The following MARCKSL1 variants were observed in gnomAD, a reference collection of about 807,000 sequenced individuals.
MARCKSL1 encodes MARCKS like 1.
In MARCKSL1, 5 loss-of-function variants were observed where a neutral mutation model predicts 13.3. The ratio of observed to expected loss-of-function variants is 0.38; its 90% CI spans 0.20 to 0.79. The LOEUF (loss-of-function observed/expected upper bound fraction) is 0.79, where lower values mean the gene tolerates loss of function less well. Ranked by LOEUF, MARCKSL1 falls within the 30% of genes least tolerant of loss-of-function variation. The probability of loss-of-function intolerance (pLI) is 0.45; values close to 1 mark genes in which losing one functional copy is unlikely to be tolerated. For synonymous variants in MARCKSL1, 126 were observed against 103.2 expected (o/e 1.22, Z -1.34); for missense variants, 274 against 251.6 (o/e 1.09, Z -0.60).
Position 32,335,299 on chromosome 1 carries a change from G to A in MARCKSL1, c.88-202C>T, listed in dbSNP as rs1368983162. Among the ~76,000 whole-genome samples the A allele has an allele frequency of 2.6e-5, 4 of 152,134 alleles. No homozygotes were observed. The highest frequency in any genetic ancestry group is 9.7e-5 in the African/African-American group (4 of 41,446). On this transcript the variant is annotated intron_variant, in intron 1 of 1. Coordinates refer to ENST00000329421, the MANE Select transcript of MARCKSL1 (RefSeq NM_023009.7). The surrounding 1 kb of genome is among the most constrained non-coding windows in gnomAD (Gnocchi z 4.1). ...CGCGGGGAGCGAGCGCGCAGAGGGC[G>A]CGACCGGCAGGAGGCGCTGGGGTCC...
chr1:32,333,949 T>C lies in MARCKSL1; in HGVS notation c.*648A>G, dbSNP rs113097579. On this transcript the variant is annotated 3_prime_UTR_variant, in exon 2 of 2. Transcript: ENST00000329421. The stretch of plus-strand genomic sequence containing the variant: ...AAGTACAAATCTGGGGTTTGGCCAT[T>C]AAAAGTTATTTACAACAGTGGGAGA... The C allele has an allele frequency of 2.0e-5, 3 of 150,554 alleles. No homozygotes were observed. The highest frequency in any genetic ancestry group is 4.4e-5 in the Non-Finnish European group (3 of 67,772). 9.3% of individuals were successfully genotyped at this position (150,554 alleles called of 1,614,324 possible). A position where few individuals can be genotyped will look rare whatever the true frequency, so the allele number is the denominator to read the frequency against.
In MARCKSL1 at chr1:32,334,550, C is replaced by G. The variant is rs1641350338; in HGVS notation, c.*47G>C. The G allele has an allele frequency of 6.6e-7, 1 of 1,504,594 alleles. No individual in the cohort carries two copies. The highest frequency in any genetic ancestry group is 8.9e-7 in the Non-Finnish European group (1 of 1,127,470). 93.2% of individuals were successfully genotyped at this position (1,504,594 alleles called of 1,614,324 possible). On this transcript the variant is annotated 3_prime_UTR_variant, in exon 2 of 2. Coordinates refer to ENST00000329421, the MANE Select transcript of MARCKSL1 (RefSeq NM_023009.7). ...GGTCCAGGCAGTGACCTCACAAGGA[C>G]AGCACAGTTTTTGCAGCTTAGAGAT...
chr1:32,334,859 C>T lies in MARCKSL1; in HGVS notation c.326G>A (p.Arg109Gln). The T allele has an allele frequency of 2.5e-6, 4 of 1,612,554 alleles. No individual in the cohort carries two copies. The highest frequency in any genetic ancestry group is 2.7e-5 in the African/African-American group (2 of 75,034). ...AGAAGAATCACCCCCACCCTCCTTC[C>T]GATTTCTCTTGAAGGACAGGCCGCT... ...KLSGLSFKRN[R>Q]KEGGGDSSAS... Residue 109 changes from arginine to glutamine, a missense_variant, in exon 2 of 2, where the codon CGG becomes CAG. Physicochemically the swap from Arg to Gln is conservative, Grantham distance 43. Coordinates refer to ENST00000329421, the MANE Select transcript of MARCKSL1 (RefSeq NM_023009.7).
chr1:32,334,779 C>G lies in MARCKSL1; in HGVS notation c.406G>C (p.Asp136His). Residue 136 changes from aspartate to histidine, a missense_variant, in exon 2 of 2, where the codon GAC becomes CAC. By Grantham distance (81) the Asp-to-His change is moderately conservative. Transcript: ENST00000329421. Reference sequence around the variant, plus strand: ...TTCCCTTCCTGAGCAGTGCCCTCGTCGCTGCAGGCACCGATCTCCCCCTGC... The same window carrying G: ...TTCCCTTCCTGAGCAGTGCCCTCGTGGCTGCAGGCACCGATCTCCCCCTGC... ...QEQGEIGACS[D>H]EGTAQEGKAA... The G allele has an allele frequency of 6.2e-7, 1 of 1,611,550 alleles. No homozygotes were observed.
chr1:32,335,993 G>T lies in MARCKSL1; in HGVS notation c.41C>A (p.Thr14Asn). The T allele has an allele frequency of 2.3e-6, 3 of 1,295,424 alleles. No homozygotes were observed. The highest frequency in any genetic ancestry group is 2.9e-6 in the Non-Finnish European group (3 of 1,019,828). 80.2% of individuals were successfully genotyped at this position (1,295,424 alleles called of 1,614,324 possible). The change falls in exon 1 of 2, where the codon ACC (threonine) becomes AAC (asparagine). Residue 14 changes from threonine (T) to asparagine (N), a missense_variant. Thr to Asn is a moderately conservative substitution (Grantham distance 65). Transcript: ENST00000329421. The surrounding 1 kb of genome is among the most constrained non-coding windows in gnomAD (Gnocchi z 4.1). ...GGAAGCGCCTGCTGCCTCCTCGGCG[G>T]TCACGTCGCCCCGGGGAGCCTTGGA... ...QSSKAPRGDV[T>N]AEEAAGASPA...
In MARCKSL1 at chr1:32,335,081, T is replaced by C. The variant is rs141152634; in HGVS notation, c.104A>G (p.Lys35Arg). 8 of 1,526,016 alleles carry C rather than the reference T, an allele frequency of 5.2e-6. No individual in the cohort carries two copies. The African/African-American group carries it at 1.1e-4, about 21-fold the overall frequency. 94.5% of individuals were successfully genotyped at this position (1,526,016 alleles called of 1,614,324 possible). ...CTTGGGGGATAAGTCTCCATTGCTT[T>C]TCACGTGGCCATTCTCCTGCAGGGC... ...KANGQENGHVKSNGDLSPKGE... is the reference protein window; with the variant it reads ...KANGQENGHVRSNGDLSPKGE... Residue 35 changes from lysine (K) to arginine (R), a missense_variant, in exon 2 of 2, where the codon AAA (lysine) becomes AGA (arginine). By Grantham distance (26) the Lys-to-Arg change is conservative (BLOSUM62 2). Transcript: ENST00000329421. This position sits in a 1 kb window ranked among gnomAD's most constrained non-coding sequence, Gnocchi z 4.1.
Position 32,334,874 on chromosome 1 carries a change from G to A in MARCKSL1, c.311C>T (p.Ser104Phe). The change falls in exon 2 of 2, where the codon TCC (serine) becomes TTC (phenylalanine). Residue 104 changes from serine to phenylalanine, a missense_variant. Transcript: ENST00000329421. Reference sequence around the variant, plus strand: ...ACCCTCCTTCCGATTTCTCTTGAAGGACAGGCCGCTCAATTTGAAAGGCTT... The same window carrying A: ...ACCCTCCTTCCGATTTCTCTTGAAGAACAGGCCGCTCAATTTGAAAGGCTT... The part of the protein sequence containing the change: ...FKKPFKLSGL[S>F]FKRNRKEGGG... The A allele has an allele frequency of 1.2e-6, 2 of 1,612,516 alleles. No homozygotes were observed. Among genetic ancestry groups the A allele is most frequent in the Non-Finnish European group, 1.7e-6 (2 of 1,179,980 alleles).
chr1:32,335,176 G>A lies in MARCKSL1; in HGVS notation c.88-79C>T, dbSNP rs1254417867. 5.1e-6 allele frequency: 7 copies of A among 1,380,628 alleles called. No homozygotes were observed. The highest frequency in any genetic ancestry group is 2.9e-5 in the African/African-American group (2 of 67,992). The allele number at this position is 1,380,628 out of a possible 1,614,324, so 85.5% of individuals were successfully genotyped here. A position where few individuals can be genotyped will look rare whatever the true frequency, so the allele number is the denominator to read the frequency against. ...GCTTCTGATCCCTTCTAGAGGAAGG[G>A]GTCCTCGATTCGATTCTACTGCAAC... is the stretch of plus-strand genomic sequence containing the variant. On this transcript the variant is annotated intron_variant, in intron 1 of 1. Transcript: ENST00000329421. The surrounding 1 kb of genome is among the most constrained non-coding windows in gnomAD (Gnocchi z 4.1).
Position 32,335,701 on chromosome 1 carries a change from G to T in MARCKSL1, c.87+246C>A, listed in dbSNP as rs1485741418. On this transcript the variant is annotated intron_variant, in intron 1 of 1. Transcript: ENST00000329421. This position sits in a 1 kb window ranked among gnomAD's most constrained non-coding sequence, Gnocchi z 4.1. ...CCGCGCGGCACTCGGGGCGGCCGGG[G>T]GGCAGCGCCGGGGACCGGGGCCGCG... Among the ~76,000 whole-genome samples the T allele has an allele frequency of 4.0e-5, 6 of 151,334 alleles. No individual in the cohort carries two copies. The South Asian group carries it at 8.3e-4, about 21-fold the overall frequency.
rs1398350459 is a variant in MARCKSL1 at position 32,335,703 on chromosome 1, G to T, written c.87+244C>A. 6.6e-6 allele frequency among the ~76,000 whole-genome samples: 1 copy of T among 151,250 alleles called. No homozygotes were observed. Among genetic ancestry groups the T allele is most frequent in the Admixed American group, 6.6e-5 (1 of 15,190 alleles). On this transcript the variant is annotated intron_variant, in intron 1 of 1. Transcript: ENST00000329421. This position sits in a 1 kb window ranked among gnomAD's most constrained non-coding sequence, Gnocchi z 4.1. ...GCGCGGCACTCGGGGCGGCCGGGGG[G>T]CAGCGCCGGGGACCGGGGCCGCGAA...
Position 32,335,524 on chromosome 1 carries a change from C to T in MARCKSL1, c.87+423G>A, listed in dbSNP as rs2148076462. Among the ~76,000 whole-genome samples, 1 of 151,896 alleles carries T rather than the reference C, an allele frequency of 6.6e-6. No homozygotes were observed. Among genetic ancestry groups the T allele is most frequent in the East Asian group, 1.9e-4 (1 of 5,134 alleles). On this transcript the variant is annotated intron_variant, in intron 1 of 1. Coordinates refer to ENST00000329421, the MANE Select transcript of MARCKSL1 (RefSeq NM_023009.7). The surrounding 1 kb of genome is among the most constrained non-coding windows in gnomAD (Gnocchi z 4.1). The stretch of plus-strand genomic sequence containing the variant: ...CTTTGTGTAAGTGGCCCCCACCCAC[C>T]CCAGGCTCTCCCGCATCTCGGCTCC...
chr1:32,334,749 C>T lies in MARCKSL1; in HGVS notation c.436G>A (p.Ala146Thr), dbSNP rs1227297294. 1.3e-5 allele frequency: 21 copies of T among 1,611,772 alleles called. No individual in the cohort carries two copies. The highest frequency in any genetic ancestry group is 1.7e-5 in the Non-Finnish European group (20 of 1,179,854). Residue 146 changes from alanine (A) to threonine (T), a missense_variant, in exon 2 of 2, where the codon GCA (alanine) becomes ACA (threonine). Physicochemically the swap from Ala to Thr is moderately conservative, Grantham distance 58 (BLOSUM62 0). Coordinates refer to ENST00000329421, the MANE Select transcript of MARCKSL1 (RefSeq NM_023009.7). ...GGTTCCTGGCTCTCAGGGGTGGCTGCGGCCTTCCCTTCCTGAGCAGTGCCC... is the reference window on the plus strand; with the variant it reads ...GGTTCCTGGCTCTCAGGGGTGGCTGTGGCCTTCCCTTCCTGAGCAGTGCCC... Reference protein sequence around the residue: ...DEGTAQEGKAAATPESQEPQA... With the variant: ...DEGTAQEGKATATPESQEPQA...
At position 32,335,830 on chromosome 1, in the gene MARCKSL1, G is replaced by A; in HGVS notation, c.87+117C>T. The A allele has an allele frequency of 4.6e-6, 2 of 436,346 alleles. No homozygotes were observed. Among genetic ancestry groups the A allele is most frequent in the Non-Finnish European group, 3.7e-6 (1 of 272,866 alleles). 27.0% of individuals were successfully genotyped at this position (436,346 alleles called of 1,614,324 possible). A position where few individuals can be genotyped will look rare whatever the true frequency, so the allele number is the denominator to read the frequency against. ...GAGAACAAAGGGACCGGGCGGGGGA[G>A]GGGGCGCCGCGTGTCCCGGGCCGGA... On this transcript the variant is annotated intron_variant, in intron 1 of 1. Transcript: ENST00000329421. This position sits in a 1 kb window ranked among gnomAD's most constrained non-coding sequence, Gnocchi z 4.1.
At position 32,335,068 on chromosome 1, in the gene MARCKSL1, G is replaced by A. The variant is rs887818733; in HGVS notation, c.117C>T (p.Asp39=). 6.5e-6 allele frequency: 10 copies of A among 1,536,852 alleles called. No individual in the cohort carries two copies. Among genetic ancestry groups the A allele is most frequent in the Non-Finnish European group, 7.9e-6 (9 of 1,144,122 alleles). The change falls in exon 2 of 2, where the codon GAC becomes GAT. Residue 39 remains aspartate, a synonymous_variant. Coordinates refer to ENST00000329421, the MANE Select transcript of MARCKSL1 (RefSeq NM_023009.7). This position sits in a 1 kb window ranked among gnomAD's most constrained non-coding sequence, Gnocchi z 4.1. ...QENGHVKSNG[D]LSPKGEGESP... is the part of the protein sequence containing the mutation. ...ACTCCCCTTCACCCTTGGGGGATAA[G>A]TCTCCATTGCTTTTCACGTGGCCAT...
In MARCKSL1 at chr1:32,334,918, C is replaced by G; in HGVS notation, c.267G>C (p.Lys89Asn). The change falls in exon 2 of 2, where the codon AAG becomes AAC. Residue 89 changes from lysine (K) to asparagine (N), a missense_variant. Physicochemically the swap from Lys to Asn is moderately conservative, Grantham distance 94. Transcript: ENST00000329421. ...AAGGCTTCTTGAAAGAGAATTTCTT[C>G]TTCTTCTTGGGGGTCTCCTTGGGGG... ...EVPPKETPKK[K>N]KKFSFKKPFK... 6.2e-7 allele frequency: 1 copy of G among 1,612,458 alleles called. No homozygotes were observed. The highest frequency in any genetic ancestry group is 1.1e-5 in the South Asian group (1 of 91,084).
chr1:32,336,001 G>T lies in MARCKSL1; in HGVS notation c.33C>A (p.Gly11=). Residue 11 remains glycine, a synonymous_variant, in exon 1 of 2, where the codon GGC becomes GGA. Transcript: ENST00000329421. MGSQSSKAPR[G]DVTAEEAAGA... ...CTGCTGCCTCCTCGGCGGTCACGTCGCCCCGGGGAGCCTTGGAGCTCTGGC... is the reference window on the plus strand; with the variant it reads ...CTGCTGCCTCCTCGGCGGTCACGTCTCCCCGGGGAGCCTTGGAGCTCTGGC... 1 of 1,295,970 alleles carries T rather than the reference G, an allele frequency of 7.7e-7. No homozygotes were observed. Among genetic ancestry groups the T allele is most frequent in the Non-Finnish European group, 9.8e-7 (1 of 1,020,998 alleles). 80.3% of individuals were successfully genotyped at this position (1,295,970 alleles called of 1,614,324 possible). A position where few individuals can be genotyped will look rare whatever the true frequency, so the allele number is the denominator to read the frequency against.
rs141916791 is a variant in MARCKSL1, at chr1:32,335,684, C to A, written c.87+263G>T. ...AGCAGCGCCTTTGTTCCCCGCGCGG[C>A]ACTCGGGGCGGCCGGGGGGCAGCGC... On this transcript the variant is annotated intron_variant, in intron 1 of 1. Transcript: ENST00000329421. This position sits in a 1 kb window ranked among gnomAD's most constrained non-coding sequence, Gnocchi z 4.1. 6.6e-6 allele frequency among the ~76,000 whole-genome samples: 1 copy of A among 151,430 alleles called. No homozygotes were observed. Among genetic ancestry groups the A allele is most frequent in the East Asian group, 1.9e-4 (1 of 5,148 alleles).
In MARCKSL1 at chr1:32,336,144, A is replaced by C; in HGVS notation, c.-111T>G. The stretch of plus-strand genomic sequence containing the variant: ...GGGGTGGGGCTGGCGCCCGAGGGGG[A>C]GGGGTGCCGGGGGAAGCCGAGCTGC... On this transcript the variant is annotated 5_prime_UTR_variant, in exon 1 of 2. Transcript: ENST00000329421. 1.0e-5 allele frequency: 1 copy of C among 95,256 alleles called. No homozygotes were observed. The highest frequency in any genetic ancestry group is 2.2e-5 in the Non-Finnish European group (1 of 45,456). 5.9% of individuals were successfully genotyped at this position (95,256 alleles called of 1,614,324 possible). A position where few individuals can be genotyped will look rare whatever the true frequency, so the allele number is the denominator to read the frequency against.
chr1:32,335,268 CG>C lies in MARCKSL1; in HGVS notation c.88-172del, dbSNP rs1435542589. Among the ~76,000 whole-genome samples the C allele has an allele frequency of 6.6e-6, 1 of 152,178 alleles. No individual in the cohort carries two copies. The highest frequency in any genetic ancestry group is 1.5e-5 in the Non-Finnish European group (1 of 68,008). On this transcript the variant is annotated intron_variant, in intron 1 of 1. Transcript: ENST00000329421. This position sits in a 1 kb window ranked among gnomAD's most constrained non-coding sequence, Gnocchi z 4.1. ...TCAAACACCTCCCTCTCGCCCCTCACGGGCGCGCGGGGAGCGAGCGCGCAGA... is the reference window on the plus strand; with the variant it reads ...TCAAACACCTCCCTCTCGCCCCTCACGGCGCGCGGGGAGCGAGCGCGCAGA...
Sources: gnomAD v4.1 joint callset for allele counts (sites outside exome capture counted in the v4.1 genomes callset) on GRCh38, gnomAD v4.1.1 for gene constraint, Gnocchi (gnomAD v3.1) non-coding constraint, MANE v1.5 for transcripts, NCBI Gene and HGNC (gene_info 2026-07-23, HGNC 2026-07-21) for gene names.